Variants in ZNF577 observed in about 807,000 individuals in gnomAD.
The protein encoded by ZNF577 is zinc finger protein 577.
ZNF577 carries 14 observed loss-of-function variants against 13.9 expected under a neutral mutation model. That is an observed-to-expected ratio of 1.00 (90% CI 0.66 to 1.57). The LOEUF (loss-of-function observed/expected upper bound fraction) is 1.57, where lower values mean the gene tolerates loss of function less well. ZNF577 is among the 40% of genes most tolerant of loss of function. ZNF577 has a pLI of 0.00. For missense variants in ZNF577, 555 were observed against 579.2 expected, an observed-to-expected ratio of 0.96 and a Z score of 0.43; for synonymous variants, 203 against 202.9, an observed-to-expected ratio of 1.00 and a Z score of 0.00.
At chr19:51,866,473 A>G (rs1233620558), downstream of ZNF577, among the ~76,000 whole-genome samples, 1 of 152,244 alleles carries the variant, frequency 6.6e-6, no homozygotes, top group Non-Finnish European at 1.5e-5. Context: ...TAAGCTTGGA[A>G]GTGGATTCTT....
intron 9 of ZNF577, among the ~76,000 whole-genome samples, chr19:51,834,082 T>C (rs2903546): frequency 0.42 from 64,262 of 151,752 alleles, 13,755 homozygotes; most frequent in South Asian, 0.58. Flanking sequence ...TAGCCACTTA[T>C]GTAGCTACAA....
intron 9 of ZNF577, among the ~76,000 whole-genome samples, chr19:51,830,489 GACA>G (rs2084256345): frequency 6.6e-6 from 1 of 152,132 alleles, no homozygotes; most frequent in Non-Finnish European, 1.5e-5. Flanking sequence ...TCTTATCAAG[GACA>G]ACAGTGACAT....
intron 10 of ZNF577, among the ~76,000 whole-genome samples, chr19:51,807,886 C>T (rs905861613): frequency 1.3e-5 from 2 of 152,182 alleles, no homozygotes; most frequent in African/African-American, 4.8e-5. Context: ...CCCATAGTCA[C>T]AATTTGTGTA....
chr19:51,861,892 T>G (rs1476308357), intron 5 of ZNF577: 1 of 152,292 alleles, frequency 6.6e-6, no homozygotes, highest in Non-Finnish European at 1.5e-5. Context: ...ATTTGAGGAG[T>G]TTCTCACCTG....
At chr19:51,821,119 TAGA>T (rs552253554) in intron 9 of ZNF577, among the ~76,000 whole-genome samples, 31 of 152,316 alleles carry the variant, frequency 2.0e-4, no homozygotes, top group Admixed American at 1.1e-3. Flanking sequence ...CAGTCTAGCC[TAGA>T]AGATTTCCAT....
intron 5 of ZNF577, among the ~76,000 whole-genome samples, chr19:51,876,006 C>T (rs1324037935): frequency 6.6e-6 from 1 of 152,116 alleles, no homozygotes; most frequent in Non-Finnish European, 1.5e-5. Context: ...AGCAATACAG[C>T]AGAACCTAAA....
chr19:51,819,512 T>G (rs2084172308), intron 9 of ZNF577, among the ~76,000 whole-genome samples: 1 of 152,086 alleles, frequency 6.6e-6, no homozygotes, highest in African/African-American at 2.4e-5. Flanking sequence ...AAAATGTGTT[T>G]GAAGTAGGAG....
downstream of ZNF577, among the ~76,000 whole-genome samples, chr19:51,864,473 CAA>C (rs1325669984): frequency 2.0e-5 from 3 of 151,826 alleles, no homozygotes; most frequent in African/African-American, 7.3e-5. Flanking sequence ...AGAATAGAAA[CAA>C]GAGTAAAGGA....
intron 5 of ZNF577, chr19:51,861,029 C>T (rs2084492769): frequency 4.9e-6 from 2 of 408,444 alleles, no homozygotes; most frequent in South Asian, 3.6e-5. Context: ...TTCATTACAT[C>T]CACTGGTGCT....
rs865811163 is a variant in ZNF577, at chr19:51,857,381, A to G, written c.284-12450T>C. ...AAGAAGGAAGGAAAGAAAGAAAGAA[A>G]GAAAGAAAGAAAGAAAGAAAGAAAG... On this transcript the variant is annotated intron_variant and NMD_transcript_variant, in intron 5 of 10. Transcript: ENST00000638827. Among the ~76,000 whole-genome samples, 46 of 112,334 alleles carry G rather than the reference A, an allele frequency of 4.1e-4. 1 individual carries two copies. The highest frequency in any genetic ancestry group is 2.0e-3 in the African/African-American group (45 of 22,794). The allele number at this position is 112,334 out of a possible 152,430, so 73.7% of individuals were successfully genotyped here.
At chr19:51,832,445 C>A (rs916894310) in intron 9 of ZNF577, among the ~76,000 whole-genome samples, 2 of 151,982 alleles carry the variant, frequency 1.3e-5, no homozygotes, top group South Asian at 4.2e-4. Flanking sequence ...AGCCTCTGCC[C>A]CCTGGGCTCA....
intron 5 of ZNF577, chr19:51,860,472 A>G (rs1020816515): frequency 6.6e-6 from 1 of 152,636 alleles, no homozygotes; most frequent in African/African-American, 2.4e-5. Context: ...CGAGAATAGG[A>G]TCTTTCTGAT....
chr19:51,833,276 A>C (rs1322747934), intron 9 of ZNF577, among the ~76,000 whole-genome samples: 1 of 125,642 alleles, frequency 8.0e-6, no homozygotes, highest in African/African-American at 3.0e-5. Context: ...CAATCACGGG[A>C]ATCATCTTAT....
chr19:51,814,958 T>C (rs542818773), intron 9 of ZNF577, among the ~76,000 whole-genome samples: 37 of 151,976 alleles, frequency 2.4e-4, no homozygotes, highest in Non-Finnish European at 5.3e-4. Flanking sequence ...TACAGCCGCC[T>C]GCCACCACGT....
Position 51,873,544 on chromosome 19 carries a change from T to C in ZNF577, c.446A>G (p.Gln149Arg). Residue 149 changes from glutamine to arginine, a missense_variant, in exon 6 of 6, where the codon CAA (glutamine) becomes CGA (arginine). Transcript: ENST00000638348. ...SSPKSQLNDL[Q>R]KICAGGKPHE... is the part of the protein sequence containing the mutation. ...TGGTTTCCCTCCTGCACAAATTTTT[T>C]GTAGGTCATTGAGCTGTGATTTAGG... 6.2e-7 allele frequency: 1 copy of C among 1,614,222 alleles called. No homozygotes were observed. Among genetic ancestry groups the C allele is most frequent in the East Asian group, 2.2e-5 (1 of 44,886 alleles).
At chr19:51,812,151 TTAAAG>T (rs2084101716) in intron 9 of ZNF577, among the ~76,000 whole-genome samples, 1 of 152,176 alleles carries the variant, frequency 6.6e-6, no homozygotes, top group South Asian at 2.1e-4. Flanking sequence ...TACATTAAAA[TTAAAG>T]TAAATTGTTT....
Position 51,824,859 on chromosome 19 carries a change from GAA to G in ZNF577, c.*600-13187_*600-13186del. 2.2e-6 allele frequency: 3 copies of G among 1,352,058 alleles called. No individual in the cohort carries two copies. Among genetic ancestry groups the G allele is most frequent in the Non-Finnish European group, 3.0e-6 (3 of 1,007,594 alleles). 83.8% of individuals were successfully genotyped at this position (1,352,058 alleles called of 1,614,324 possible). On this transcript the variant is annotated intron_variant and NMD_transcript_variant, in intron 9 of 10. Transcript: ENST00000638827. This position sits in a 1 kb window ranked among gnomAD's most constrained non-coding sequence, Gnocchi z 4.7. ...GTCTCTTTCTACCCTGCGTTAAGCG[GAA>G]AAAAAAAATTCTGACAGTGTTTTTC...
chr19:51,848,336 G>A (rs766309600), intron 5 of ZNF577, among the ~76,000 whole-genome samples: 6 of 152,328 alleles, frequency 3.9e-5, no homozygotes, highest in Admixed American at 6.5e-5. Flanking sequence ...GGGGAAAGAA[G>A]GGAGGGAGAA....
At chr19:51,882,172 C>T (rs2084871419) in intron 1 of ZNF577, among the ~76,000 whole-genome samples, 1 of 152,090 alleles carries the variant, frequency 6.6e-6, no homozygotes, top group Non-Finnish European at 1.5e-5. Context: ...TAGAAAAGGC[C>T]ATTACGCATG....
Sources: allele counts gnomAD v4.1 joint callset (sites outside exome capture counted in the v4.1 genomes callset), GRCh38; gene constraint gnomAD v4.1.1; non-coding constraint Gnocchi (gnomAD v3.1); transcripts MANE v1.5; gene names NCBI Gene and HGNC (gene_info 2026-07-23, HGNC 2026-07-21).